SUPT7L: variants seen among roughly 807,000 people sequenced by gnomAD.
SUPT7L encodes STAGA complex 65 subunit gamma.
SUPT7L carries 15 observed loss-of-function variants against 35.7 expected under a neutral mutation model. The observed-to-expected ratio is 0.42, with a 90% CI of 0.28 to 0.65. SUPT7L has a LOEUF of 0.65. Among genes scored for constraint, SUPT7L ranks in the 30% least tolerant of loss-of-function variants. The probability of loss-of-function intolerance (pLI) is 0.23; values close to 1 mark genes in which losing one functional copy is unlikely to be tolerated. For synonymous variants in SUPT7L, 168 were observed against 186.2 expected (o/e 0.90, Z 0.79); for missense variants, 434 against 522.2 (o/e 0.83, Z 1.65).
rs1674851682 is a variant in SUPT7L at position 27,657,407 on chromosome 2, C to A, written c.682G>T (p.Val228Leu). The change falls in exon 4 of 6, where the codon GTG (valine) becomes TTG (leucine). Residue 228 changes from valine (V) to leucine (L), a missense_variant. Transcript: ENST00000337768. The surrounding 1 kb of genome is among the most constrained non-coding windows in gnomAD (Gnocchi z 5.2). ...TGCCAGAACTTCTGGAGGGAGAGCACACTGCCAATACCCACTTCATGGAAT... is the reference window on the plus strand; with the variant it reads ...TGCCAGAACTTCTGGAGGGAGAGCAAACTGCCAATACCCACTTCATGGAAT... ...QVFHEVGIGS[V>L]LSLQKFWQHR... The A allele has an allele frequency of 6.2e-7, 1 of 1,614,256 alleles. No individual in the cohort carries two copies. The highest frequency in any genetic ancestry group is 1.7e-5 in the Admixed American group (1 of 60,024).
chr2:27,661,094 G>A lies in SUPT7L; in HGVS notation c.309C>T (p.Pro103=), dbSNP rs752315236. 5.0e-6 allele frequency: 8 copies of A among 1,614,174 alleles called. No individual in the cohort carries two copies. In the South Asian group the frequency reaches 6.6e-5, roughly 13 times the overall value. Residue 103 remains proline (P), a synonymous_variant, in exon 3 of 6, where the codon CCC becomes CCT. Transcript: ENST00000337768. Reference sequence around the variant, plus strand: ...GGAGAGGAGGTGACCCAGGGCACGAGGGAAGAGGTTCACTCTCTTCAGTTT... The same window carrying A: ...GGAGAGGAGGTGACCCAGGGCACGAAGGAAGAGGTTCACTCTCTTCAGTTT... The part of the protein sequence containing the change: ...GVKTEESEPL[P]SCPGSPPLPD...
At chr2:27,645,257 C>A in the SUPT7L span, among the ~76,000 whole-genome samples, 6 of 152,156 alleles carry the variant, frequency 3.9e-5, no homozygotes, top group Admixed American at 2.0e-4. Context: ...AGGCATAAGC[C>A]ACCATCCCCA....
At chr2:27,660,244 T>C (rs1675033859) in intron 3 of SUPT7L, among the ~76,000 whole-genome samples, 1 of 152,066 alleles carries the variant, frequency 6.6e-6, no homozygotes, top group Admixed American at 6.5e-5. Flanking sequence ...CTTTTTTTTT[T>C]TTTCCAGACA....
the SUPT7L span, among the ~76,000 whole-genome samples, chr2:27,642,943 T>TTATATATA: frequency 9.3e-5 from 12 of 128,502 alleles, no homozygotes; most frequent in African/African-American, 3.4e-4. Context: ...AAATGTGGTT[T>TTATATATA]TATATATATA....
At chr2:27,647,448 C>T (rs1274491803), downstream of SUPT7L, among the ~76,000 whole-genome samples, 1 of 152,150 alleles carries the variant, frequency 6.6e-6, no homozygotes, top group Non-Finnish European at 1.5e-5. Flanking sequence ...CAGGAGGCTT[C>T]CTTAGCACTC....
intron 3 of SUPT7L, among the ~76,000 whole-genome samples, chr2:27,658,949 G>A (rs1156287230): frequency 6.6e-6 from 1 of 152,106 alleles, no homozygotes; most frequent in East Asian, 1.9e-4. Context: ...TCCTAAATAT[G>A]TATAAAATAA....
Position 27,653,421 on chromosome 2 carries a change from C to G in SUPT7L, c.*64G>C. On this transcript the variant is annotated 3_prime_UTR_variant, in exon 6 of 6. Coordinates refer to ENST00000337768, the MANE Select transcript of SUPT7L (RefSeq NM_014860.3). ...AAATCAATTTTTAAGGAAACAGATT[C>G]TAATACAAAAACCTTTTCTGTTGGG... The G allele has an allele frequency of 6.5e-7, 1 of 1,543,434 alleles. No homozygotes were observed. Among genetic ancestry groups the G allele is most frequent in the Non-Finnish European group, 8.7e-7 (1 of 1,150,894 alleles).
chr2:27,642,954 T>TACAC, the SUPT7L span, among the ~76,000 whole-genome samples: 474 of 46,820 alleles, frequency 0.01, 6 homozygotes, highest in African/African-American at 0.02. Context: ...TATATATATA[T>TACAC]ATATACACAC....
At chr2:27,655,300 A>G in intron 5 of SUPT7L, 65 bp downstream of exon 5, 1 of 1,459,704 alleles carries the variant, frequency 6.9e-7, no homozygotes, top group Non-Finnish European at 9.2e-7. Flanking sequence ...TTGATTCCAA[A>G]AAGCAAAAAG....
downstream of SUPT7L, chr2:27,647,697 A>G (rs949156338): frequency 1.7e-6 from 1 of 597,200 alleles, no homozygotes; most frequent in South Asian, 2.0e-5. Flanking sequence ...GGTATTAACA[A>G]TACATTTAGA....
At chr2:27,662,809 T>C (rs1675178448) in intron 1 of SUPT7L, among the ~76,000 whole-genome samples, 1 of 152,176 alleles carries the variant, frequency 6.6e-6, no homozygotes, top group Non-Finnish European at 1.5e-5. Flanking sequence ...AGACAGGGTT[T>C]CACTCTGTAG....
chr2:27,661,511 C>T lies in SUPT7L; in HGVS notation c.15-123G>A, dbSNP rs112261868. 1.2e-4 allele frequency: 176 copies of T among 1,490,648 alleles called. No homozygotes were observed. The African/African-American group carries it at 2.3e-3, about 20-fold the overall frequency. 92.3% of individuals were successfully genotyped at this position (1,490,648 alleles called of 1,614,324 possible). A position where few individuals can be genotyped will look rare whatever the true frequency, so the allele number is the denominator to read the frequency against. ...GCTTCTGTAGTGAAAAATACGAGGT[C>T]TAGCCAGTTATTTATGTAAAAAGTA... On this transcript the variant is annotated intron_variant, in intron 2 of 5. Transcript: ENST00000337768.
In SUPT7L at chr2:27,660,949, T is replaced by C. The variant is rs1377435841; in HGVS notation, c.419+35A>G. ...TAACAGGGTTGTTGGGAAGATGACT[T>C]GAGAAAAGTAAGATACAGCAAAGCC... On this transcript the variant is annotated intron_variant, in intron 3 of 5. Coordinates refer to ENST00000337768, the MANE Select transcript of SUPT7L (RefSeq NM_014860.3). The C allele has an allele frequency of 2.5e-6, 4 of 1,584,958 alleles. No homozygotes were observed. The African/African-American group carries it at 5.4e-5, about 21-fold the overall frequency.
At chr2:27,646,278 G>A (rs999809003), downstream of SUPT7L, among the ~76,000 whole-genome samples, 2 of 152,178 alleles carry the variant, frequency 1.3e-5, no homozygotes, top group African/African-American at 2.4e-5. Flanking sequence ...CTGACCTCAG[G>A]TGATCTGCCC....
At chr2:27,660,749 G>A (rs937596660) in intron 3 of SUPT7L, among the ~76,000 whole-genome samples, 31 of 152,146 alleles carry the variant, frequency 2.0e-4, no homozygotes, top group Non-Finnish European at 4.4e-4. Flanking sequence ...CCTGCTCCTA[G>A]TAAAGTGCTT....
rs767051220 is a variant in SUPT7L at position 27,657,551 on chromosome 2, C to T, written c.538G>A (p.Glu180Lys). Residue 180 changes from glutamate to lysine, a missense_variant, in exon 4 of 6, where the codon GAG becomes AAG. Glu to Lys is a moderately conservative substitution (Grantham distance 56, BLOSUM62 1). This residue lies in a region of SUPT7L where 198 missense variants were observed against 190.8 expected (regional missense o/e 1.04). Transcript: ENST00000337768. This position sits in a 1 kb window ranked among gnomAD's most constrained non-coding sequence, Gnocchi z 5.2. ...TCATGTGCCACATCAGTTAGGGTCT[C>T]CAGGACACTCTCATTAGCACAGTCA... Reference protein sequence around the residue: ...GFDCANESVLETLTDVAHEYC... With the variant: ...GFDCANESVLKTLTDVAHEYC... The T allele has an allele frequency of 6.2e-7, 1 of 1,614,224 alleles. No individual in the cohort carries two copies. Among genetic ancestry groups the T allele is most frequent in the East Asian group, 2.2e-5 (1 of 44,882 alleles).
chr2:27,645,821 C>T (rs1674200188), downstream of SUPT7L, among the ~76,000 whole-genome samples: 1 of 151,890 alleles, frequency 6.6e-6, no homozygotes, highest in Non-Finnish European at 1.5e-5. Flanking sequence ...CCTCTGCCTC[C>T]TGGGTTCAAG....
chr2:27,655,176 C>G (rs897055591), intron 5 of SUPT7L, among the ~76,000 whole-genome samples, 189 bp downstream of exon 5: 3 of 152,232 alleles, frequency 2.0e-5, no homozygotes, highest in Admixed American at 6.5e-5. Context: ...TGCTAATCCT[C>G]TCTTCACTAA....
intron 2 of SUPT7L, chr2:27,661,753 C>T (rs984473021): frequency 3.7e-5 from 21 of 572,480 alleles, no homozygotes; most frequent in Admixed American, 4.4e-5. Context: ...TATTTCCCAT[C>T]TCACTCACTA....
Sources: gnomAD v4.1 joint callset for allele counts (sites outside exome capture counted in the v4.1 genomes callset) on GRCh38, gnomAD v4.1.1 for gene constraint, gnomAD v4.1.1 regional missense constraint, Gnocchi (gnomAD v3.1) non-coding constraint, MANE v1.5 for transcripts, NCBI Gene and HGNC (gene_info 2026-07-23, HGNC 2026-07-21) for gene names.